The following GRM4 variants were observed in gnomAD, a reference collection of about 807,000 sequenced individuals.
The protein encoded by GRM4 is metabotropic glutamate receptor 4.
In GRM4, 28 loss-of-function variants were observed where a neutral mutation model predicts 81.7. The ratio of observed to expected loss-of-function variants is 0.34; its 90% confidence interval spans 0.25 to 0.47. GRM4 has a LOEUF of 0.47. GRM4 is among the 20% of genes least tolerant of loss of function. The pLI, the probability that GRM4 is intolerant of heterozygous loss-of-function variation, is 1.00. For synonymous variants in GRM4, 488 were observed against 528.8 expected (o/e 0.92, Z 1.06); for missense variants, 948 against 1,290.0 (o/e 0.73, Z 4.06).
chr6:34,096,539 C>T (rs57328363), intron 2 of GRM4, among the ~76,000 whole-genome samples: 3,369 of 152,376 alleles, frequency 0.022, 49 homozygotes, highest in African/African-American at 0.034. Context: ...GGCAAGGCCA[C>T]GTGGAGAGAT....
chr6:34,065,440 C>G (rs982144775), intron 3 of GRM4, among the ~76,000 whole-genome samples: 8 of 152,188 alleles, frequency 5.3e-5, no homozygotes, highest in Non-Finnish European at 1.0e-4. Context: ...CCACAAAGCC[C>G]TCAGGGAACA....
At chr6:34,151,285 C>A (rs1371914873) in intron 1 of GRM4, among the ~76,000 whole-genome samples, 1 of 152,170 alleles carries the variant, frequency 6.6e-6, no homozygotes, top group Non-Finnish European at 1.5e-5. Context: ...GAATGAACGA[C>A]CCACCTAGAA....
In GRM4 at chr6:34,115,500, C is replaced by A. The variant is rs147174759; in HGVS notation, c.519+17478G>T. Reference sequence around the variant, plus strand: ...CCCCAAGCCCAAATTGCTGCCCCTTCCCCTGCTCCCAGCCACAAGGTCCTG... The same window carrying A: ...CCCCAAGCCCAAATTGCTGCCCCTTACCCTGCTCCCAGCCACAAGGTCCTG... On this transcript the variant is annotated intron_variant, in intron 2 of 10. Coordinates refer to ENST00000538487, the MANE Select transcript of GRM4 (RefSeq NM_000841.4). The surrounding 1 kb of genome is among the most constrained non-coding windows in gnomAD (Gnocchi z 4.1). Among the ~76,000 whole-genome samples, 2 of 152,214 alleles carry A rather than the reference C, an allele frequency of 1.3e-5. No individual in the cohort carries two copies. The highest frequency in any genetic ancestry group is 2.9e-5 in the Non-Finnish European group (2 of 68,038).
Position 34,069,202 on chromosome 6 carries a change from A to ACACACACACACACGCACG in GRM4, c.737-7175_737-7174insCGTGCGTGTGTGTGTGTG. Among the ~76,000 whole-genome samples, 1 of 142,294 alleles carries ACACACACACACACGCACG rather than the reference A, an allele frequency of 7.0e-6. No homozygotes were observed. Among genetic ancestry groups the ACACACACACACACGCACG allele is most frequent in the South Asian group, 2.2e-4 (1 of 4,576 alleles). 93.4% of individuals were successfully genotyped at this position (142,294 alleles called of 152,430 possible). ...CACACACACACACACACACACACACACACGCACGCACACACGGCTCCTTCC... is the reference window on the plus strand; with the variant it reads ...CACACACACACACACACACACACACACACACACACACACGCACGCACGCACGCACACACGGCTCCTTCC... On this transcript the variant is annotated intron_variant, in intron 3 of 10. Coordinates refer to ENST00000538487, the MANE Select transcript of GRM4 (RefSeq NM_000841.4). The surrounding 1 kb of genome is among the most constrained non-coding windows in gnomAD (Gnocchi z 6.4).
chr6:34,151,933 G>A (rs1771055289), intron 1 of GRM4, among the ~76,000 whole-genome samples: 1 of 152,042 alleles, frequency 6.6e-6, no homozygotes, highest in Admixed American at 6.6e-5. Context: ...GGCCACTCGG[G>A]GCAGTTTGGG....
Position 34,040,656 on chromosome 6 carries a change from G to A in GRM4, c.1261C>T (p.His421Tyr). ...GGACACAGGTCACGGTGCATGGCGTGCAGCGCGTGGCCCATGGCGTACACG... is the reference window on the plus strand; with the variant it reads ...GGACACAGGTCACGGTGCATGGCGTACAGCGCGTGGCCCATGGCGTACACG... ...DAVYAMGHAL[H>Y]AMHRDLCPGR... The change falls in exon 7 of 11, where the codon CAC becomes TAC. Residue 421 changes from histidine (H) to tyrosine (Y), a missense_variant. Coordinates refer to ENST00000538487, the MANE Select transcript of GRM4 (RefSeq NM_000841.4). 6.2e-7 allele frequency: 1 copy of A among 1,614,042 alleles called. No homozygotes were observed. Among genetic ancestry groups the A allele is most frequent in the Non-Finnish European group, 8.5e-7 (1 of 1,179,878 alleles).
chr6:34,055,048 C>T (rs935553747), intron 6 of GRM4: 3 of 152,210 alleles, frequency 2.0e-5, no homozygotes, highest in African/African-American at 7.2e-5. Context: ...CTCTCTGACT[C>T]TCCATATCCT....
At chr6:34,129,913 G>T (rs549312474) in intron 2 of GRM4, among the ~76,000 whole-genome samples, 1 of 152,110 alleles carries the variant, frequency 6.6e-6, no homozygotes, top group Non-Finnish European at 1.5e-5. Context: ...GCCAAGCACC[G>T]GAAGTCCACC....
rs1247631290 is a variant in GRM4, at chr6:34,047,995, A to G, written c.1169-7247T>C. 6.6e-6 allele frequency among the ~76,000 whole-genome samples: 1 copy of G among 152,212 alleles called. No homozygotes were observed. Among genetic ancestry groups the G allele is most frequent in the Non-Finnish European group, 1.5e-5 (1 of 68,038 alleles). The stretch of plus-strand genomic sequence containing the variant: ...AAGGAGAGAAGCTGAGAGCTTGGCT[A>G]TGACAGTGAAGCCCAACTGTAAATG... On this transcript the variant is annotated intron_variant, in intron 6 of 10. Transcript: ENST00000538487. The surrounding 1 kb of genome is among the most constrained non-coding windows in gnomAD (Gnocchi z 4.5).
At chr6:34,060,269 G>A (rs1189916230) in intron 4 of GRM4, 1 of 152,124 alleles carries the variant, frequency 6.6e-6, no homozygotes, top group Non-Finnish European at 1.5e-5. Context: ...ACCACTAATG[G>A]CAGGTAAGGC....
chr6:34,091,579 C>A, intron 3 of GRM4: 1 of 378,814 alleles, frequency 2.6e-6, no homozygotes, highest in Non-Finnish European at 4.8e-6. Flanking sequence ...CCCACCCCAT[C>A]CCTTCCTCTG....
intron 2 of GRM4, among the ~76,000 whole-genome samples, chr6:34,113,038 A>G (rs77557485): frequency 0.02 from 2,987 of 151,760 alleles, 39 homozygotes; most frequent in Middle Eastern, 0.065. Flanking sequence ...AATAATAATG[A>G]CCTTCCATTT....
At chr6:34,025,103 C>T (rs1764066231) in intron 10 of GRM4, among the ~76,000 whole-genome samples, 2 of 152,174 alleles carry the variant, frequency 1.3e-5, no homozygotes, top group Admixed American at 1.3e-4. Context: ...GAGCCTCAGG[C>T]AGCTCTTCCC....
rs372750082 is a variant in GRM4 at position 34,144,964 on chromosome 6, A to T, written c.-364+1036T>A. ...CGGGGGCGCCAGCTCTCCTCGGAGC[A>T]CTCCAAGCGCGGGAGCTCGCCGGAG... On this transcript the variant is annotated intron_variant, in intron 1 of 10. Coordinates refer to ENST00000538487, the MANE Select transcript of GRM4 (RefSeq NM_000841.4). Among the ~76,000 whole-genome samples, 320 of 151,394 alleles carry T rather than the reference A, an allele frequency of 2.1e-3. 1 individual carries two copies. Among genetic ancestry groups the T allele is most frequent in the East Asian group, 0.013 (66 of 5,082 alleles).
intron 2 of GRM4, among the ~76,000 whole-genome samples, chr6:34,124,762 A>C (rs1222012048): frequency 6.6e-6 from 1 of 152,194 alleles, no homozygotes; most frequent in Non-Finnish European, 1.5e-5. Context: ...AAATAAATGC[A>C]TGACTCTTTA....
chr6:34,141,727 C>T (rs972277183), intron 1 of GRM4, among the ~76,000 whole-genome samples: 4 of 152,162 alleles, frequency 2.6e-5, no homozygotes, highest in Non-Finnish European at 5.9e-5. Flanking sequence ...TGCTAGCTAG[C>T]AGGCTTCATC....
In GRM4 at chr6:34,079,663, C is replaced by A. The variant is rs961273123; in HGVS notation, c.736+12220G>T. Among the ~76,000 whole-genome samples, 2 of 152,170 alleles carry A rather than the reference C, an allele frequency of 1.3e-5. 1 individual carries two copies. The highest frequency in any genetic ancestry group is 4.1e-4 in the South Asian group (2 of 4,830). ...AGCCAACCAGGACTTCCCAGAGCAG[C>A]TGACCTTGGGGCAGACTCACCGTCC... On this transcript the variant is annotated intron_variant, in intron 3 of 10. Transcript: ENST00000538487.
chr6:34,039,210 T>G (rs2451386), intron 8 of GRM4, among the ~76,000 whole-genome samples: 54,297 of 152,026 alleles, frequency 0.36, 13,434 homozygotes, highest in African/African-American at 0.7. Context: ...CCAGGGCTGG[T>G]TTTCCTGGGA....
At chr6:34,067,185 AG>A in intron 3 of GRM4, among the ~76,000 whole-genome samples, 2 of 152,242 alleles carry the variant, frequency 1.3e-5, no homozygotes, top group Middle Eastern at 3.4e-3. Flanking sequence ...ACTTGGTATC[AG>A]TTTCCTGTCG....
Sources: allele counts gnomAD v4.1 joint callset (sites outside exome capture counted in the v4.1 genomes callset), GRCh38; gene constraint gnomAD v4.1.1; non-coding constraint Gnocchi (gnomAD v3.1); transcripts MANE v1.5; gene names NCBI Gene and HGNC (gene_info 2026-07-23, HGNC 2026-07-21).